Variants in CPEB1 observed in about 807,000 individuals in gnomAD.
CPEB1 encodes the protein cytoplasmic polyadenylation element-binding protein 1.
A neutral mutation model predicts 65.8 loss-of-function variants in CPEB1; 7 were observed. That is an observed-to-expected ratio of 0.11 (90% confidence interval 0.06 to 0.20). The LOEUF (loss-of-function observed/expected upper bound fraction) is 0.20. Ranked by LOEUF, CPEB1 falls within the 10% of genes least tolerant of loss-of-function variation. CPEB1 has a pLI of 1.00. For synonymous variants in CPEB1, 262 were observed against 260.0 expected (o/e 1.01, Z -0.08); for missense variants, 551 against 712.2 (o/e 0.77, Z 2.58).
At chr15:82,590,269 A>G (rs1014297203) in intron 3 of CPEB1, among the ~76,000 whole-genome samples, 3 of 151,352 alleles carry the variant, frequency 2.0e-5, no homozygotes, top group Admixed American at 1.3e-4. Context: ...ATTCCTAAGA[A>G]AACTCTGTAA....
At chr15:82,615,779 GT>G (rs1340315421) in intron 3 of CPEB1, among the ~76,000 whole-genome samples, 1 of 152,082 alleles carries the variant, frequency 6.6e-6, no homozygotes, top group African/African-American at 2.4e-5. Context: ...CTTTGAAAAA[GT>G]ACCCAGCAAC....
chr15:82,566,730 C>T (rs1420437686), intron 4 of CPEB1, among the ~76,000 whole-genome samples: 1 of 152,170 alleles, frequency 6.6e-6, no homozygotes, highest in East Asian at 1.9e-4. Context: ...TTCTTTCTCA[C>T]CTAGGAGGCC....
intron 4 of CPEB1, among the ~76,000 whole-genome samples, chr15:82,561,203 T>C (rs1380357190): frequency 6.6e-6 from 1 of 152,122 alleles, no homozygotes; most frequent in African/African-American, 2.4e-5. Context: ...TCTGAAATAT[T>C]AGATAAGTCA....
Position 82,613,779 on chromosome 15 carries a change from C to A in CPEB1, c.271+13414G>T, listed in dbSNP as rs546473795. ...AATGCTAAGAAGTTCACTCACAACCCCTCCCCTAAGACTGGAAACAAGCTC... is the reference window on the plus strand; with the variant it reads ...AATGCTAAGAAGTTCACTCACAACCACTCCCCTAAGACTGGAAACAAGCTC... On this transcript the variant is annotated intron_variant, in intron 3 of 12. Coordinates refer to ENST00000684509, the MANE Select transcript of CPEB1 (RefSeq NM_001365242.1). Among the ~76,000 whole-genome samples the A allele has an allele frequency of 3.0e-4, 46 of 151,522 alleles. 1 individual carries two copies. The South Asian group carries it at 8.9e-3, about 29-fold the overall frequency.
intron 10 of CPEB1, chr15:82,548,883 T>G: frequency 3.3e-6 from 1 of 305,384 alleles, no homozygotes; most frequent in Admixed American, 4.5e-5. Context: ...CTGCTCCACC[T>G]CCATACCTCA....
At chr15:82,582,018 G>A (rs8032281) in intron 3 of CPEB1, among the ~76,000 whole-genome samples, 19,926 of 152,170 alleles carry the variant, frequency 0.13, 1,825 homozygotes, top group African/African-American at 0.24. Flanking sequence ...ACTATTTCCT[G>A]ATTGTCCATG....
intron 3 of CPEB1, among the ~76,000 whole-genome samples, chr15:82,590,310 A>T (rs1017165665): frequency 3.3e-5 from 5 of 151,634 alleles, no homozygotes; most frequent in Non-Finnish European, 5.9e-5. Context: ...GTTACCCATT[A>T]CACATATTTT....
At chr15:82,617,025 G>C (rs1488539153) in intron 3 of CPEB1, among the ~76,000 whole-genome samples, 1 of 152,068 alleles carries the variant, frequency 6.6e-6, no homozygotes, top group Non-Finnish European at 1.5e-5. Context: ...GTCAAGTTCT[G>C]CCCCAAAAGT....
intron 1 of CPEB1, chr15:82,629,848 A>G: frequency 3.0e-6 from 3 of 985,452 alleles, no homozygotes; most frequent in East Asian, 2.3e-4. Context: ...TTACAGTTTT[A>G]CCAACTCTGC....
chr15:82,572,665 A>G (rs908691261), intron 3 of CPEB1, among the ~76,000 whole-genome samples: 31 of 152,220 alleles, frequency 2.0e-4, no homozygotes, highest in Admixed American at 5.2e-4. Context: ...ACGCCCTATT[A>G]GAAACACCAA....
chr15:82,560,181 C>T (rs1403793577), intron 4 of CPEB1, among the ~76,000 whole-genome samples: 2 of 152,172 alleles, frequency 1.3e-5, no homozygotes, highest in Non-Finnish European at 2.9e-5. Flanking sequence ...AGATTTTATT[C>T]AAGGTTCCAC....
chr15:82,567,339 G>A (rs1567185472), intron 4 of CPEB1, among the ~76,000 whole-genome samples: 1 of 152,116 alleles, frequency 6.6e-6, no homozygotes, highest in African/African-American at 2.4e-5. Flanking sequence ...AGCAGTTAGG[G>A]TAGAAAACCA....
intron 8 of CPEB1, 36 bp from the exon 9 acceptor site, chr15:82,552,652 C>T (rs774105540): frequency 6.2e-7 from 1 of 1,610,688 alleles, no homozygotes; most frequent in Non-Finnish European, 8.5e-7. Flanking sequence ...CATTAATATC[C>T]CTTAGGTGGC....
intron 3 of CPEB1, among the ~76,000 whole-genome samples, chr15:82,585,407 A>G (rs1050940863): frequency 6.6e-6 from 1 of 152,260 alleles, no homozygotes; most frequent in African/African-American, 2.4e-5. Flanking sequence ...ACCATGCAGA[A>G]TAAGACTTTC....
chr15:82,577,931 G>A (rs1167774078), intron 3 of CPEB1, among the ~76,000 whole-genome samples: 2 of 152,012 alleles, frequency 1.3e-5, no homozygotes, highest in African/African-American at 2.4e-5. Flanking sequence ...ACGAGGTCAG[G>A]AGATCGAGAC....
At chr15:82,614,634 G>A (rs1279450194) in intron 3 of CPEB1, among the ~76,000 whole-genome samples, 1 of 152,102 alleles carries the variant, frequency 6.6e-6, no homozygotes, top group African/African-American at 2.4e-5. Context: ...CACCCAGTTT[G>A]AGAGAATGTA....
intron 1 of CPEB1, chr15:82,629,285 T>C (rs1416447319): frequency 6.1e-6 from 6 of 985,176 alleles, no homozygotes; most frequent in Non-Finnish European, 4.8e-6. Context: ...AATTTGTATC[T>C]GCAAACACTA....
chr15:82,613,024 A>G (rs1596106699), intron 3 of CPEB1, among the ~76,000 whole-genome samples: 1 of 152,284 alleles, frequency 6.6e-6, no homozygotes, highest in East Asian at 1.9e-4. Context: ...TCTTCTCAAG[A>G]ACAGCGAGGA....
chr15:82,624,057 T>C (rs1290330284), intron 3 of CPEB1, among the ~76,000 whole-genome samples: 1 of 152,240 alleles, frequency 6.6e-6, no homozygotes, highest in Non-Finnish European at 1.5e-5. Context: ...GTTTGGGTTA[T>C]TTCTTAAGGT....
Sources: allele counts gnomAD v4.1 joint callset (sites outside exome capture counted in the v4.1 genomes callset), GRCh38; gene constraint gnomAD v4.1.1; transcripts MANE v1.5; gene names NCBI Gene and HGNC (gene_info 2026-07-23, HGNC 2026-07-21).